ARSG: variants seen among roughly 807,000 people sequenced by gnomAD.
The protein encoded by ARSG is ASG.
A neutral mutation model predicts 50.5 loss-of-function variants in ARSG; 37 were observed. The observed-to-expected ratio is 0.73, with a 90% CI of 0.56 to 0.96. ARSG has a LOEUF of 0.96. ARSG is among the 50% of genes least tolerant of loss of function. The probability of loss-of-function intolerance (pLI) is 0.00; values close to 1 mark genes in which losing one functional copy is unlikely to be tolerated. For missense variants in ARSG, 629 were observed against 675.3 expected, an observed-to-expected ratio of 0.93 and a Z score of 0.76; for synonymous variants, 225 against 254.6, an observed-to-expected ratio of 0.88 and a Z score of 1.11.
intron 4 of ARSG, among the ~76,000 whole-genome samples, chr17:68,349,988 G>C (rs2078686016): frequency 6.6e-6 from 1 of 152,202 alleles, no homozygotes; most frequent in Non-Finnish European, 1.5e-5. Flanking sequence ...CACTAATGGG[G>C]AAGACGGTAT....
chr17:68,325,074 A>G (rs112979101), intron 2 of ARSG, among the ~76,000 whole-genome samples: 3 of 152,320 alleles, frequency 2.0e-5, no homozygotes, highest in African/African-American at 7.2e-5. Context: ...CCACTGTACC[A>G]GTCCATGACT....
intron 2 of ARSG, among the ~76,000 whole-genome samples, chr17:68,341,690 G>A (rs1029252110): frequency 3.9e-5 from 6 of 152,114 alleles, no homozygotes; most frequent in Admixed American, 1.3e-4. Context: ...ATTTGCTCAC[G>A]TCTTGTCACT....
At chr17:68,346,560 C>T (rs868343303) in intron 3 of ARSG, among the ~76,000 whole-genome samples, 7 of 152,014 alleles carry the variant, frequency 4.6e-5, no homozygotes, top group Admixed American at 6.6e-5. Flanking sequence ...ACACATTGCC[C>T]GATTATTCCC....
chr17:68,263,386 C>A (rs1461576649), intron 1 of ARSG, among the ~76,000 whole-genome samples: 1 of 152,252 alleles, frequency 6.6e-6, no homozygotes, highest in Non-Finnish European at 1.5e-5. Flanking sequence ...TTTATCAATG[C>A]AATGTATACT....
intron 3 of ARSG, among the ~76,000 whole-genome samples, chr17:68,344,711 C>T (rs1359347497): frequency 1.3e-5 from 2 of 152,262 alleles, no homozygotes; most frequent in African/African-American, 4.8e-5. Context: ...CAGAAGTATC[C>T]TCAGCTCCCT....
intron 1 of ARSG, among the ~76,000 whole-genome samples, chr17:68,272,922 A>G (rs937261706): frequency 1.3e-5 from 2 of 152,238 alleles, no homozygotes; most frequent in East Asian, 3.8e-4. Context: ...GTTGCAAAGA[A>G]AAATGGGTTT....
chr17:68,304,820 A>G (rs545997402), intron 1 of ARSG, among the ~76,000 whole-genome samples: 5 of 152,200 alleles, frequency 3.3e-5, no homozygotes, highest in Non-Finnish European at 7.3e-5. Context: ...ATGAACCACA[A>G]TGCCCAGCCA....
chr17:68,387,802 C>T (rs1054608310), intron 9 of ARSG, among the ~76,000 whole-genome samples: 4 of 152,166 alleles, frequency 2.6e-5, no homozygotes, highest in Non-Finnish European at 4.4e-5. Context: ...GTCCCTTAAA[C>T]CTATATCCTT....
At chr17:68,390,861 A>T (rs2080958627) in intron 9 of ARSG, among the ~76,000 whole-genome samples, 1 of 150,978 alleles carries the variant, frequency 6.6e-6, no homozygotes, top group African/African-American at 2.4e-5. Flanking sequence ...TCCTGACCTC[A>T]GGTGATTCAC....
intron 2 of ARSG, among the ~76,000 whole-genome samples, chr17:68,334,703 C>T (rs180782631): frequency 1.4e-4 from 21 of 152,048 alleles, no homozygotes; most frequent in Non-Finnish European, 2.5e-4. Context: ...GACATCTCCA[C>T]GGGGAAGGTC....
intron 2 of ARSG, among the ~76,000 whole-genome samples, chr17:68,343,218 G>A (rs530427519): frequency 5.0e-4 from 76 of 152,126 alleles, no homozygotes; most frequent in Admixed American, 1.4e-3. Context: ...GTGCGGTGGC[G>A]TGCTCTTGGC....
chr17:68,442,738 A>AG, the ARSG span, among the ~76,000 whole-genome samples: 1 of 152,158 alleles, frequency 6.6e-6, no homozygotes, highest in Non-Finnish European at 1.5e-5. Flanking sequence ...TCCTGATCAG[A>AG]AGAGCACATG....
At chr17:68,317,948 A>G (rs2077131924) in intron 2 of ARSG, among the ~76,000 whole-genome samples, 1 of 152,046 alleles carries the variant, frequency 6.6e-6, no homozygotes, top group Admixed American at 6.5e-5. Flanking sequence ...AAAATACAAA[A>G]ATTAGCCGGG....
At chr17:68,436,602 G>C in the ARSG span, 3 of 788,116 alleles carry the variant, frequency 3.8e-6, no homozygotes, top group Non-Finnish European at 6.0e-6. Flanking sequence ...GAATGGCTTT[G>C]CAGACAACTG....
the ARSG span, among the ~76,000 whole-genome samples, chr17:68,430,929 A>G: frequency 2.0e-5 from 3 of 152,084 alleles, no homozygotes; most frequent in Non-Finnish European, 4.4e-5. Flanking sequence ...GAGCTCTGGG[A>G]GGTATTCTTT....
chr17:68,406,622 T>C (rs2081734254), intron 11 of ARSG, among the ~76,000 whole-genome samples: 1 of 152,218 alleles, frequency 6.6e-6, no homozygotes, highest in East Asian at 1.9e-4. Flanking sequence ...TTTGCATTTC[T>C]CTGATCATTA....
chr17:68,282,434 A>G (rs1185448213), intron 1 of ARSG, among the ~76,000 whole-genome samples: 1 of 151,820 alleles, frequency 6.6e-6, no homozygotes, highest in East Asian at 1.9e-4. Flanking sequence ...GCACACCAAC[A>G]TGGCACATCT....
At chr17:68,304,077 AT>A (rs1165718483) in intron 1 of ARSG, among the ~76,000 whole-genome samples, 7 of 152,058 alleles carry the variant, frequency 4.6e-5, no homozygotes, top group African/African-American at 9.7e-5. Flanking sequence ...TCTTAAGTGA[AT>A]TTTTTTTCCC....
At chr17:68,425,472 C>T (rs536994031), downstream of ARSG, among the ~76,000 whole-genome samples, 18 of 151,380 alleles carry the variant, frequency 1.2e-4, no homozygotes, top group Admixed American at 1.1e-3. Flanking sequence ...CCTCCAGCCT[C>T]GGCCTCCCAA....
Sources: gnomAD v4.1 joint callset for allele counts (sites outside exome capture counted in the v4.1 genomes callset) on GRCh38, gnomAD v4.1.1 for gene constraint, MANE v1.5 for transcripts, NCBI Gene and HGNC (gene_info 2026-07-23, HGNC 2026-07-21) for gene names.